MAP3K5: variants seen among roughly 807,000 people sequenced by gnomAD.
MAP3K5 encodes the protein mitogen-activated protein kinase kinase kinase 5, also known as ASK-1.
In MAP3K5, 56 loss-of-function variants were observed where a neutral mutation model predicts 158.7. That is an observed-to-expected ratio of 0.35 (90% CI 0.28 to 0.44). The LOEUF (loss-of-function observed/expected upper bound fraction) is 0.44, where lower values mean the gene tolerates loss of function less well. Ranked by LOEUF, MAP3K5 falls within the 20% of genes least tolerant of loss-of-function variation. MAP3K5 has a pLI of 1.00. For synonymous variants in MAP3K5, 579 were observed against 601.7 expected, an observed-to-expected ratio of 0.96 and a Z score of 0.55; for missense variants, 1,294 against 1,674.8, an observed-to-expected ratio of 0.77 and a Z score of 3.97.
intron 29 of MAP3K5, 64 bp from the exon 30 acceptor site, chr6:136,557,882 G>C: frequency 9.4e-7 from 1 of 1,061,720 alleles, no homozygotes; most frequent in South Asian, 1.3e-5. Context: ...CCTTGAAATA[G>C]AAAAGTGACT....
chr6:136,778,221 T>C (rs987574034), intron 1 of MAP3K5, among the ~76,000 whole-genome samples: 3 of 152,124 alleles, frequency 2.0e-5, no homozygotes, highest in Admixed American at 6.5e-5. Context: ...TTGGAATTTA[T>C]ATACGTAATT....
chr6:136,755,687 TCC>T (rs1360360772), intron 1 of MAP3K5, among the ~76,000 whole-genome samples: 2 of 124,546 alleles, frequency 1.6e-5, no homozygotes, highest in African/African-American at 3.7e-5. Flanking sequence ...AGACTCTGTC[TCC>T]AAAAAAAAAA....
intron 25 of MAP3K5, among the ~76,000 whole-genome samples, chr6:136,570,552 A>G (rs1774316225): frequency 6.6e-6 from 1 of 152,230 alleles, no homozygotes; most frequent in Admixed American, 6.5e-5. Context: ...AGAACTCATC[A>G]TCTTTTGATC....
At chr6:136,670,075 G>C (rs1779417538) in intron 7 of MAP3K5, among the ~76,000 whole-genome samples, 1 of 152,018 alleles carries the variant, frequency 6.6e-6, no homozygotes, top group African/African-American at 2.4e-5. Flanking sequence ...TCAATTATAG[G>C]ATGAAATTAA....
intron 25 of MAP3K5, among the ~76,000 whole-genome samples, chr6:136,579,340 C>T (rs1774764895): frequency 6.6e-6 from 1 of 152,130 alleles, no homozygotes; most frequent in East Asian, 1.9e-4. Context: ...AGTATGAATA[C>T]ACTCCTCACT....
intron 2 of MAP3K5, among the ~76,000 whole-genome samples, chr6:136,718,618 A>G (rs1482082586): frequency 3.3e-5 from 5 of 152,352 alleles, no homozygotes; most frequent in South Asian, 4.1e-4. Flanking sequence ...AGCCTTTTTA[A>G]GGAACTACTT....
At position 136,758,815 on chromosome 6, in the gene MAP3K5, C is replaced by T. The variant is rs573469286; in HGVS notation, c.448+32895G>A. Among the ~76,000 whole-genome samples, 7 of 152,360 alleles carry T rather than the reference C, an allele frequency of 4.6e-5. No homozygotes were observed. The South Asian group carries it at 1.4e-3, about 32-fold the overall frequency. On this transcript the variant is annotated intron_variant, in intron 1 of 29. Transcript: ENST00000359015. The stretch of plus-strand genomic sequence containing the variant: ...TAAAAATGTATTTTGAGTTTTTGCA[C>T]ATCTTACATTCACAGTAGGAATCCT...
intron 1 of MAP3K5, among the ~76,000 whole-genome samples, chr6:136,722,114 C>T (rs987409078): frequency 6.6e-6 from 1 of 152,120 alleles, no homozygotes; most frequent in Non-Finnish European, 1.5e-5. Flanking sequence ...ATAATTATCT[C>T]TATTTGCAGA....
At chr6:136,654,440 T>G (rs1778655546) in intron 10 of MAP3K5, among the ~76,000 whole-genome samples, 1 of 152,194 alleles carries the variant, frequency 6.6e-6, no homozygotes, top group Non-Finnish European at 1.5e-5. Context: ...TATTTTTATT[T>G]TGTTTTATTT....
Position 136,601,686 on chromosome 6 carries a change from A to G in MAP3K5, c.2857+116T>C, listed in dbSNP as rs1381701759. 7 of 884,640 alleles carry G rather than the reference A, an allele frequency of 7.9e-6. No individual in the cohort carries two copies. The Admixed American group carries it at 1.1e-4, about 14-fold the overall frequency. The allele number at this position is 884,640 out of a possible 1,614,324, so 54.8% of individuals were successfully genotyped here. A position where few individuals can be genotyped will look rare whatever the true frequency, so the allele number is the denominator to read the frequency against. ...GCCTGAGAACACTGTGCTAATATTTATACCAATTTCCAGTGATATCTGTAA... is the reference window on the plus strand; with the variant it reads ...GCCTGAGAACACTGTGCTAATATTTGTACCAATTTCCAGTGATATCTGTAA... On this transcript the variant is annotated intron_variant, in intron 20 of 29. Transcript: ENST00000359015.
intron 24 of MAP3K5, among the ~76,000 whole-genome samples, chr6:136,581,755 T>C (rs1281599403): frequency 6.6e-6 from 1 of 152,198 alleles, no homozygotes; most frequent in African/African-American, 2.4e-5. Context: ...CCATCCAGGC[T>C]GAGTTTGTCC....
At chr6:136,651,687 C>A (rs1562580607) in intron 10 of MAP3K5, among the ~76,000 whole-genome samples, 1 of 151,960 alleles carries the variant, frequency 6.6e-6, no homozygotes, top group Non-Finnish European at 1.5e-5. Flanking sequence ...CTGGCGTCTT[C>A]AATAATGATA....
chr6:136,712,061 T>C (rs1243662191), intron 2 of MAP3K5, among the ~76,000 whole-genome samples: 2 of 152,192 alleles, frequency 1.3e-5, no homozygotes, highest in African/African-American at 4.8e-5. Flanking sequence ...TAATTTCTTT[T>C]CATATTTAAA....
At chr6:136,703,297 T>A (rs1318152980) in intron 3 of MAP3K5, among the ~76,000 whole-genome samples, 1 of 152,242 alleles carries the variant, frequency 6.6e-6, no homozygotes, top group East Asian at 1.9e-4. Flanking sequence ...AAGTCCAAGC[T>A]GGGCTAGGCA....
intron 3 of MAP3K5, 119 bp downstream of exon 3, chr6:136,704,991 C>A (rs1781008653): frequency 5.5e-6 from 3 of 544,762 alleles, no homozygotes; most frequent in South Asian, 4.5e-5. Context: ...ATCAGAAAAT[C>A]TAAAGAGGAA....
At chr6:136,722,581 G>A (rs1781787235) in intron 1 of MAP3K5, among the ~76,000 whole-genome samples, 1 of 150,754 alleles carries the variant, frequency 6.6e-6, no homozygotes, top group South Asian at 2.1e-4. Flanking sequence ...TTTTGCCTAA[G>A]AAGTGGGCAA....
intron 1 of MAP3K5, among the ~76,000 whole-genome samples, chr6:136,755,285 C>T (rs1277245777): frequency 6.6e-6 from 1 of 152,138 alleles, no homozygotes; most frequent in Non-Finnish European, 1.5e-5. Context: ...TCCTCATGCA[C>T]AACTCAGCTC....
At chr6:136,792,575 C>T, upstream of MAP3K5, 1 of 172,112 alleles carries the variant, frequency 5.8e-6, no homozygotes, top group South Asian at 1.9e-4. The surrounding 1 kb of genome is among the most constrained non-coding windows in gnomAD (Gnocchi z 5.7). Context: ...CGCGCAGCTC[C>T]TTCCGTCCCG....
At chr6:136,754,943 T>G (rs1303812460) in intron 1 of MAP3K5, among the ~76,000 whole-genome samples, 2 of 152,110 alleles carry the variant, frequency 1.3e-5, no homozygotes, top group African/African-American at 4.8e-5. Flanking sequence ...ATTCCAGAAA[T>G]ATGAGGTTGT....
Sources: gnomAD v4.1 joint callset for allele counts (sites outside exome capture counted in the v4.1 genomes callset) on GRCh38, gnomAD v4.1.1 for gene constraint, Gnocchi (gnomAD v3.1) non-coding constraint, MANE v1.5 for transcripts, NCBI Gene and HGNC (gene_info 2026-07-23, HGNC 2026-07-21) for gene names.